PTPRT: variants seen among roughly 807,000 people sequenced by gnomAD.
PTPRT encodes protein tyrosine phosphatase receptor type T, also known as receptor-type tyrosine-protein phosphatase T.
PTPRT carries 56 observed loss-of-function variants against 176.8 expected under a neutral mutation model. The ratio of observed to expected loss-of-function variants is 0.32; its 90% confidence interval spans 0.26 to 0.40. The LOEUF is 0.40. Among genes scored for constraint, PTPRT ranks in the 10% least tolerant of loss-of-function variants. PTPRT has a pLI of 1.00. For synonymous variants in PTPRT, 783 were observed against 739.0 expected, an observed-to-expected ratio of 1.06 and a Z score of -0.96; for missense variants, 1,540 against 1,908.2, an observed-to-expected ratio of 0.81 and a Z score of 3.60.
intron 5 of PTPRT, among the ~76,000 whole-genome samples, chr20:42,762,644 G>A (rs988603853): frequency 6.6e-6 from 1 of 152,228 alleles, no homozygotes; most frequent in Non-Finnish European, 1.5e-5. Flanking sequence ...TTGGAGGGAG[G>A]TCACTTTTGT....
chr20:42,383,292 C>T (rs2058713554), intron 9 of PTPRT, among the ~76,000 whole-genome samples: 1 of 152,088 alleles, frequency 6.6e-6, no homozygotes, highest in Non-Finnish European at 1.5e-5. Flanking sequence ...TGAGGGTAGA[C>T]ATTCTGGCTT....
intron 1 of PTPRT, among the ~76,000 whole-genome samples, chr20:43,130,076 AAAAAG>A (rs1330601275): frequency 6.6e-6 from 1 of 152,250 alleles, no homozygotes; most frequent in Non-Finnish European, 1.5e-5. Context: ...GCAGGAAGAA[AAAAAG>A]AAAAGAATGT....
chr20:42,350,223 T>TTTGTTGTTG (rs1555830510), intron 11 of PTPRT, among the ~76,000 whole-genome samples: 1 of 59,080 alleles, frequency 1.7e-5, no homozygotes, highest in African/African-American at 6.4e-5. Flanking sequence ...TGTTTTTTTT[T>TTTGTTGTTG]TTTTTTTTTT....
intron 9 of PTPRT, among the ~76,000 whole-genome samples, chr20:42,412,932 G>T (rs527857689): frequency 6.6e-6 from 1 of 152,060 alleles, no homozygotes; most frequent in Non-Finnish European, 1.5e-5. Flanking sequence ...AACTTTTTGG[G>T]ATTATGAAAA....
chr20:42,916,428 T>C (rs1290020173), intron 1 of PTPRT, among the ~76,000 whole-genome samples: 2 of 152,204 alleles, frequency 1.3e-5, no homozygotes, highest in African/African-American at 4.8e-5. Flanking sequence ...TAAACATACA[T>C]GTGCATGTGT....
intron 7 of PTPRT, among the ~76,000 whole-genome samples, chr20:42,524,100 C>T (rs558129641): frequency 6.6e-6 from 1 of 152,284 alleles, no homozygotes; most frequent in South Asian, 2.1e-4. Flanking sequence ...GAAACTCCCT[C>T]TCAGTTTACA....
At chr20:42,123,049 C>T (rs1874831948) in intron 19 of PTPRT, among the ~76,000 whole-genome samples, 1 of 152,152 alleles carries the variant, frequency 6.6e-6, no homozygotes, top group African/African-American at 2.4e-5. Context: ...GTACCTTTCT[C>T]CTCCTGGGAC....
At chr20:42,604,428 A>C (rs2145800565) in intron 7 of PTPRT, among the ~76,000 whole-genome samples, 1 of 152,328 alleles carries the variant, frequency 6.6e-6, no homozygotes, top group Non-Finnish European at 1.5e-5. Flanking sequence ...CCAGGAGCTC[A>C]TGAATACTGT....
chr20:42,210,222 C>T (rs2055586985), intron 15 of PTPRT, among the ~76,000 whole-genome samples: 1 of 152,200 alleles, frequency 6.6e-6, no homozygotes, highest in African/African-American at 2.4e-5. Flanking sequence ...GAAGCATTCT[C>T]TTTGAAAACT....
At chr20:42,996,388 T>C (rs1357263988) in intron 1 of PTPRT, among the ~76,000 whole-genome samples, 1 of 152,062 alleles carries the variant, frequency 6.6e-6, no homozygotes, top group Non-Finnish European at 1.5e-5. Context: ...TTGAATAGCA[T>C]ATGTGAACCC....
chr20:42,709,196 C>G (rs1311330209), intron 6 of PTPRT, among the ~76,000 whole-genome samples: 1 of 152,162 alleles, frequency 6.6e-6, no homozygotes, highest in Non-Finnish European at 1.5e-5. Flanking sequence ...GTCATAGTCA[C>G]CAGCAAAGTT....
rs770131688 is a variant in PTPRT at position 42,236,299 on chromosome 20, A to G, written c.2313-41T>C. On this transcript the variant is annotated intron_variant, in intron 14 of 30. Transcript: ENST00000373187. Reference sequence around the variant, plus strand: ...CAGTCAGATGAAGGAAATGTCCAAAATGGGGGAAAAAGAAAAGACAAACAA... The same window carrying G: ...CAGTCAGATGAAGGAAATGTCCAAAGTGGGGGAAAAAGAAAAGACAAACAA... 3 of 1,476,926 alleles carry G rather than the reference A, an allele frequency of 2.0e-6. No individual in the cohort carries two copies. In the South Asian group the frequency reaches 3.5e-5, roughly 17 times the overall value. 91.5% of individuals were successfully genotyped at this position (1,476,926 alleles called of 1,614,324 possible). A position where few individuals can be genotyped will look rare whatever the true frequency, so the allele number is the denominator to read the frequency against.
chr20:42,816,821 A>G (rs570699743), intron 2 of PTPRT, among the ~76,000 whole-genome samples: 5 of 152,340 alleles, frequency 3.3e-5, no homozygotes, highest in Non-Finnish European at 7.3e-5. Context: ...AGTTCTTTAC[A>G]GCAGTGTGAA....
rs544259003 is a variant in PTPRT, at chr20:42,706,002, G to A, written c.860-27843C>T. ...TGCTCTGTATAATGGGGAGAGGTTGGAGTGGAGATTAGGGGGTGGGGAACA... is the reference window on the plus strand; with the variant it reads ...TGCTCTGTATAATGGGGAGAGGTTGAAGTGGAGATTAGGGGGTGGGGAACA... On this transcript the variant is annotated intron_variant, in intron 6 of 30. Transcript: ENST00000373187. 2.0e-5 allele frequency among the ~76,000 whole-genome samples: 3 copies of A among 152,184 alleles called. No individual in the cohort carries two copies. In the South Asian group the frequency reaches 6.2e-4, roughly 32 times the overall value.
intron 5 of PTPRT, among the ~76,000 whole-genome samples, chr20:42,764,847 C>T (rs1298418628): frequency 6.6e-6 from 1 of 152,206 alleles, no homozygotes; most frequent in African/African-American, 2.4e-5. Flanking sequence ...AGATTGTCAA[C>T]AGAAATGCCA....
intron 6 of PTPRT, among the ~76,000 whole-genome samples, chr20:42,745,061 G>A (rs1420449220): frequency 6.6e-6 from 1 of 152,188 alleles, no homozygotes; most frequent in Non-Finnish European, 1.5e-5. Flanking sequence ...GAGTCAGTCT[G>A]CATTTACCTT....
intron 8 of PTPRT, among the ~76,000 whole-genome samples, chr20:42,454,436 G>A (rs2070886270): frequency 6.6e-6 from 1 of 152,124 alleles, no homozygotes; most frequent in Non-Finnish European, 1.5e-5. Context: ...TTTCCAAAGT[G>A]GTGGCAGCAC....
chr20:42,522,354 G>A (rs1039451356), intron 7 of PTPRT, among the ~76,000 whole-genome samples: 2 of 151,416 alleles, frequency 1.3e-5, no homozygotes, highest in South Asian at 2.1e-4. Flanking sequence ...TTTTGTTGTT[G>A]TGTCTCATAT....
intron 23 of PTPRT, 103 bp from the exon 24 acceptor site, chr20:42,107,024 C>A: frequency 7.0e-7 from 1 of 1,423,178 alleles, no homozygotes; most frequent in Non-Finnish European, 9.5e-7. Context: ...TGCTGGGAGG[C>A]TCTAGATTAT....
Sources: allele counts gnomAD v4.1 joint callset (sites outside exome capture counted in the v4.1 genomes callset), GRCh38; gene constraint gnomAD v4.1.1; transcripts MANE v1.5; gene names NCBI Gene and HGNC (gene_info 2026-07-23, HGNC 2026-07-21).